Variants in ZNF624 observed in about 807,000 individuals in gnomAD.
ZNF624 encodes zinc finger protein 624.
In ZNF624, 43 loss-of-function variants were observed where a neutral mutation model predicts 74.7. That is an observed-to-expected ratio of 0.58 (90% CI 0.45 to 0.74). The LOEUF (loss-of-function observed/expected upper bound fraction) is 0.74. Among genes scored for constraint, ZNF624 ranks in the 30% least tolerant of loss-of-function variants. ZNF624 has a pLI of 0.00. For synonymous variants in ZNF624, 331 were observed against 341.3 expected, an observed-to-expected ratio of 0.97 and a Z score of 0.33; for missense variants, 820 against 1,030.0, an observed-to-expected ratio of 0.80 and a Z score of 2.79.
the ZNF624 span, among the ~76,000 whole-genome samples, chr17:16,615,594 C>CA: frequency 6.6e-6 from 1 of 151,908 alleles, no homozygotes; most frequent in East Asian, 1.9e-4. Flanking sequence ...TCAATAGTGG[C>CA]AAAAAATGTC....
chr17:16,649,524 C>A, intron 2 of ZNF624, 134 bp downstream of exon 2: 1 of 731,120 alleles, frequency 1.4e-6, no homozygotes, highest in South Asian at 1.7e-5. Flanking sequence ...ACTGTGAACC[C>A]AATTTTCATG....
chr17:16,623,526 T>G lies in ZNF624; in HGVS notation c.1360A>C (p.Lys454Gln), dbSNP rs145993123. 1 of 1,610,092 alleles carries G rather than the reference T, an allele frequency of 6.2e-7. No homozygotes were observed. The highest frequency in any genetic ancestry group is 8.5e-7 in the Non-Finnish European group (1 of 1,178,656). The change falls in exon 6 of 6, where the codon AAG becomes CAG. Residue 454 changes from lysine to glutamine, a missense_variant. Coordinates refer to ENST00000311331, the MANE Select transcript of ZNF624 (RefSeq NM_020787.4). The surrounding 1 kb of genome is among the most constrained non-coding windows in gnomAD (Gnocchi z 5.3). Reference sequence around the variant, plus strand: ...TGCACATTAAAAATTGTGGTATTCTTAAAAGACTTCCCACACTCGTTGCAC... The same window carrying G: ...TGCACATTAAAAATTGTGGTATTCTGAAAAGACTTCCCACACTCGTTGCAC... ...YQCNECGKSF[K>Q]NTTIFNVHQR...
At chr17:16,614,344 G>T in the ZNF624 span, among the ~76,000 whole-genome samples, 2 of 152,234 alleles carry the variant, frequency 1.3e-5, no homozygotes, top group African/African-American at 4.8e-5. Context: ...CACCAGGACT[G>T]AAGAAGGGAA....
At position 16,622,346 on chromosome 17, in the gene ZNF624, C is replaced by G; in HGVS notation, c.2540G>C (p.Ser847Thr). ...KCNECGKAFR[S>T]SSSLTVHQRI... ...TTGATGTACAGTAAGGCTCGAACTACTCCTGAAGGCTTTTCCACATTCATT... is the reference window on the plus strand; with the variant it reads ...TTGATGTACAGTAAGGCTCGAACTAGTCCTGAAGGCTTTTCCACATTCATT... Residue 847 changes from serine to threonine, a missense_variant, in exon 6 of 6, where the codon AGT (serine) becomes ACT (threonine). By Grantham distance (58) the Ser-to-Thr change is moderately conservative (BLOSUM62 1). Transcript: ENST00000311331. The G allele has an allele frequency of 1.2e-6, 2 of 1,611,698 alleles. No homozygotes were observed. Among genetic ancestry groups the G allele is most frequent in the Non-Finnish European group, 8.5e-7 (1 of 1,179,062 alleles).
Position 16,622,192 on chromosome 17 carries a change from G to T in ZNF624, c.*96C>A. 1 of 946,188 alleles carries T rather than the reference G, an allele frequency of 1.1e-6. No homozygotes were observed. Among genetic ancestry groups the T allele is most frequent in the Non-Finnish European group, 1.5e-6 (1 of 665,476 alleles). The allele number at this position is 946,188 out of a possible 1,614,324, so 58.6% of individuals were successfully genotyped here. A position where few individuals can be genotyped will look rare whatever the true frequency, so the allele number is the denominator to read the frequency against. ...CTTATAGTTTCTCTGTATACTTTCT[G>T]ATAAATTCCTAATGAAGATTTTCCT... On this transcript the variant is annotated 3_prime_UTR_variant, in exon 6 of 6. Coordinates refer to ENST00000311331, the MANE Select transcript of ZNF624 (RefSeq NM_020787.4).
At chr17:16,644,529 G>C (rs1027438688) in intron 3 of ZNF624, among the ~76,000 whole-genome samples, 1 of 152,120 alleles carries the variant, frequency 6.6e-6, no homozygotes, top group Non-Finnish European at 1.5e-5. Context: ...TTGATTCTAA[G>C]ATAATACACT....
chr17:16,620,402 C>T (rs560402701), downstream of ZNF624, among the ~76,000 whole-genome samples: 1 of 152,288 alleles, frequency 6.6e-6, no homozygotes, highest in East Asian at 1.9e-4. Context: ...CATAAAGACA[C>T]CTGTTGTTGC....
chr17:16,617,294 T>C, downstream of ZNF624: 1 of 1,613,794 alleles, frequency 6.2e-7, no homozygotes, highest in Non-Finnish European at 8.5e-7. Flanking sequence ...GATCGAGACC[T>C]GGATCTGCTT....
rs1264459516 is a variant in ZNF624, at chr17:16,622,000, G to C, written c.*288C>G. ...ATAAGAAAAGACAGATAAATGAATA[G>C]AAAAATAGGCAAATACATATATAGG... On this transcript the variant is annotated 3_prime_UTR_variant, in exon 6 of 6. Coordinates refer to ENST00000311331, the MANE Select transcript of ZNF624 (RefSeq NM_020787.4). 9.8e-6 allele frequency: 2 copies of C among 203,900 alleles called. No homozygotes were observed. The highest frequency in any genetic ancestry group is 2.3e-4 in the East Asian group (2 of 8,876). 12.6% of individuals were successfully genotyped at this position (203,900 alleles called of 1,614,324 possible).
Position 16,624,764 on chromosome 17 carries a change from C to T in ZNF624, c.377-255G>A, listed in dbSNP as rs35627627. On this transcript the variant is annotated intron_variant, in intron 5 of 5. Transcript: ENST00000311331. The stretch of plus-strand genomic sequence containing the variant: ...GGGCACAGTGGCTCATGCCTATAAT[C>T]TCAGCACTTTGGGAGGCCAAGGTGA... 52 of 276,084 alleles carry T rather than the reference C, an allele frequency of 1.9e-4. 1 individual carries two copies. In the Admixed American group the frequency reaches 2.7e-3, roughly 14 times the overall value. 17.1% of individuals were successfully genotyped at this position (276,084 alleles called of 1,614,324 possible). A position where few individuals can be genotyped will look rare whatever the true frequency, so the allele number is the denominator to read the frequency against.
chr17:16,631,343 A>C (rs1444516984), intron 5 of ZNF624: 1 of 152,220 alleles, frequency 6.6e-6, no homozygotes. Context: ...CCACAAATTA[A>C]GCTCTAAGAA....
At chr17:16,633,778 A>C in intron 5 of ZNF624, 84 bp downstream of exon 5, 1 of 1,108,938 alleles carries the variant, frequency 9.0e-7, no homozygotes, top group Non-Finnish European at 1.3e-6. Context: ...ATATCTTCAA[A>C]ATTATTTCAG....
At chr17:16,648,353 A>ATACT (rs77304537) in intron 2 of ZNF624, among the ~76,000 whole-genome samples, 49,320 of 151,898 alleles carry the variant, frequency 0.32, 10,572 homozygotes, top group African/African-American at 0.61. Context: ...ATAAAACTAC[A>ATACT]TAAAGATCAC....
downstream of ZNF624, chr17:16,617,118 C>A: frequency 1.2e-6 from 2 of 1,613,130 alleles, no homozygotes; most frequent in South Asian, 2.2e-5. Context: ...AATGGGAGCC[C>A]CGATCAGACT....
At chr17:16,630,557 CA>C (rs565263589) in intron 5 of ZNF624, among the ~76,000 whole-genome samples, 1 of 151,204 alleles carries the variant, frequency 6.6e-6, no homozygotes, top group Admixed American at 6.6e-5. Context: ...AACTCAGTCT[CA>C]AAAAAATAAA....
intron 5 of ZNF624, among the ~76,000 whole-genome samples, chr17:16,628,923 G>C (rs2142586877): frequency 6.6e-6 from 1 of 152,214 alleles, no homozygotes; most frequent in Middle Eastern, 3.4e-3. Flanking sequence ...ACAGGGAAGG[G>C]CACAGTGGCT....
At chr17:16,634,279 G>C (rs991921383) in intron 4 of ZNF624, among the ~76,000 whole-genome samples, 4 of 152,190 alleles carry the variant, frequency 2.6e-5, no homozygotes, top group Admixed American at 2.6e-4. Flanking sequence ...TCAATGCTAT[G>C]ATTCTGGTTT....
Position 16,622,715 on chromosome 17 carries a change from A to C in ZNF624, c.2171T>G (p.Phe724Cys), listed in dbSNP as rs1908952854. 6.2e-7 allele frequency: 1 copy of C among 1,613,428 alleles called. No homozygotes were observed. The change falls in exon 6 of 6, where the codon TTT becomes TGT. Residue 724 changes from phenylalanine (F) to cysteine (C), a missense_variant. Physicochemically the swap from Phe to Cys is radical, Grantham distance 205 (BLOSUM62 -2). Transcript: ENST00000311331. ...TGCTTTCCCACAGTCATTACATTTA[A>C]ATGGTTTCTCTCCAGTATGTGTTCT... The part of the protein sequence containing the change: ...HQRTHTGEKP[F>C]KCNDCGKAFS...
chr17:16,637,437 G>A (rs1402175863), intron 3 of ZNF624, among the ~76,000 whole-genome samples: 1 of 152,172 alleles, frequency 6.6e-6, no homozygotes, highest in Non-Finnish European at 1.5e-5. Context: ...GAACAAAGCT[G>A]GAGGCATCGC....
Sources: gnomAD v4.1 joint callset for allele counts (sites outside exome capture counted in the v4.1 genomes callset) on GRCh38, gnomAD v4.1.1 for gene constraint, Gnocchi (gnomAD v3.1) non-coding constraint, MANE v1.5 for transcripts, NCBI Gene and HGNC (gene_info 2026-07-23, HGNC 2026-07-21) for gene names.